ALMS1: variants seen among roughly 807,000 people sequenced by gnomAD.
ALMS1 encodes the protein ALMS1 centrosome and basal body associated protein, also known as centrosome-associated protein ALMS1.
In ALMS1, 271 loss-of-function variants were observed where a neutral mutation model predicts 352.2. The observed-to-expected ratio is 0.77, with a 90% CI of 0.70 to 0.85. The LOEUF is 0.85. Among genes scored for constraint, ALMS1 ranks in the 40% least tolerant of loss-of-function variants. The pLI, the probability that ALMS1 is intolerant of heterozygous loss-of-function variation, is 0.00. For missense variants in ALMS1, 5,445 were observed against 4,870.7 expected (o/e 1.12, Z -3.51); for synonymous variants, 1,865 against 1,761.2 (o/e 1.06, Z -1.48).
At position 73,451,443 on chromosome 2, in the gene ALMS1, A is replaced by C; in HGVS notation, c.4916A>C (p.Lys1639Thr). Residue 1639 changes from lysine (K) to threonine (T), a missense_variant, in exon 8 of 23, where the codon AAA (lysine) becomes ACA (threonine). Physicochemically the swap from Lys to Thr is moderately conservative, Grantham distance 78 (BLOSUM62 -1). Transcript: ENST00000613296. ...GCTCTGCTAGACAGTCCTCTAAATA[A>C]AGAGGTTGTGAAAGTTTCAGCTGCT... ...RQALLDSPLN[K>T]EVVKVSAAPG... 3.7e-6 allele frequency: 6 copies of C among 1,613,832 alleles called. No homozygotes were observed. The highest frequency in any genetic ancestry group is 1.7e-4 in the Middle Eastern group (1 of 6,060).
At chr2:73,607,967 A>G (rs970027979) in intron 21 of ALMS1, among the ~76,000 whole-genome samples, 2 of 151,838 alleles carry the variant, frequency 1.3e-5, no homozygotes, top group African/African-American at 2.4e-5. Context: ...CAGCGCTCCT[A>G]TCTATTCTTA....
intron 21 of ALMS1, among the ~76,000 whole-genome samples, chr2:73,605,278 C>T (rs191728701): frequency 6.6e-6 from 1 of 152,160 alleles, no homozygotes; most frequent in Admixed American, 6.5e-5. Flanking sequence ...GCTTGATGAC[C>T]TCTTAGTACT....
intron 2 of ALMS1, among the ~76,000 whole-genome samples, chr2:73,413,412 A>G (rs745578878): frequency 1.3e-4 from 19 of 151,876 alleles, no homozygotes; most frequent in African/African-American, 3.9e-4. Context: ...TTTTTCTTCT[A>G]TGTTTTCTTC....
chr2:73,466,076 C>T (rs1001892995), intron 9 of ALMS1, among the ~76,000 whole-genome samples: 20 of 152,216 alleles, frequency 1.3e-4, no homozygotes, highest in Admixed American at 7.9e-4. Context: ...GTCAGTGTGT[C>T]GATTCCTCAG....
At chr2:73,488,860 C>CCTAT (rs1672913261) in intron 9 of ALMS1, among the ~76,000 whole-genome samples, 1 of 152,096 alleles carries the variant, frequency 6.6e-6, no homozygotes, top group African/African-American at 2.4e-5. Context: ...GAGTACTGAT[C>CCTAT]CTATGCGCCA....
intron 1 of ALMS1, among the ~76,000 whole-genome samples, chr2:73,401,601 G>A (rs1216948303): frequency 2.7e-5 from 4 of 149,270 alleles, no homozygotes; most frequent in Non-Finnish European, 5.9e-5. Flanking sequence ...ACATCATGAT[G>A]TTTTGATATA....
At position 73,439,978 on chromosome 2, in the gene ALMS1, A is replaced by T. The variant is rs190709547; in HGVS notation, c.1432+7687A>T. 2.7e-4 allele frequency among the ~76,000 whole-genome samples: 41 copies of T among 151,922 alleles called. 1 individual carries two copies. Among genetic ancestry groups the T allele is most frequent in the Admixed American group, 2.7e-3 (41 of 15,262 alleles). Reference sequence around the variant, plus strand: ...ACTTTAGAATTTCACTTTAATTTTTAAAAATTATTTATTTATTTTTGAGAC... The same window carrying T: ...ACTTTAGAATTTCACTTTAATTTTTTAAAATTATTTATTTATTTTTGAGAC... On this transcript the variant is annotated intron_variant, in intron 7 of 22. Transcript: ENST00000613296.
chr2:73,426,492 T>C lies in ALMS1; in HGVS notation c.1277T>C (p.Leu426Pro). 6.2e-7 allele frequency: 1 copy of C among 1,614,170 alleles called. No individual in the cohort carries two copies. Among genetic ancestry groups the C allele is most frequent in the Non-Finnish European group, 8.5e-7 (1 of 1,179,972 alleles). The change falls in exon 6 of 23, where the codon CTG (leucine) becomes CCG (proline). Residue 426 changes from leucine to proline, a missense_variant. Transcript: ENST00000613296. ...AAGGTTGAGTCTGACGTCATTACTC[T>C]GGATGGCCTAAATGAAAATGCTGTT... ...QGKVESDVITLDGLNENAVVC... is the reference protein window; with the variant it reads ...QGKVESDVITPDGLNENAVVC...
At chr2:73,478,764 G>A (rs1672633399) in intron 9 of ALMS1, among the ~76,000 whole-genome samples, 1 of 151,944 alleles carries the variant, frequency 6.6e-6, no homozygotes, top group Non-Finnish European at 1.5e-5. Context: ...GTGGTTTGCT[G>A]CACCTATCAA....
intron 1 of ALMS1, among the ~76,000 whole-genome samples, chr2:73,401,952 C>G (rs1372406604): frequency 6.6e-6 from 1 of 152,096 alleles, no homozygotes; most frequent in Non-Finnish European, 1.5e-5. Context: ...ATTCATGTGA[C>G]AAATGGCAGG....
intron 16 of ALMS1, among the ~76,000 whole-genome samples, chr2:73,594,819 C>G (rs1450412156): frequency 6.6e-6 from 1 of 152,200 alleles, no homozygotes; most frequent in Non-Finnish European, 1.5e-5. Context: ...ACTCCATGAA[C>G]CGTTCCACAT....
intron 20 of ALMS1, 90 bp from the exon 21 acceptor site, chr2:73,603,151 C>T (rs1675736552): frequency 1.8e-5 from 23 of 1,258,426 alleles, no homozygotes; most frequent in Non-Finnish European, 2.5e-5. Context: ...GTAGGGGCAC[C>T]AAGTCCTAGC....
In ALMS1 at chr2:73,559,114, T is replaced by C. The variant is rs774828662; in HGVS notation, c.10356T>C (p.Asn3452=). 1 of 1,613,684 alleles carries C rather than the reference T, an allele frequency of 6.2e-7. No individual in the cohort carries two copies. The highest frequency in any genetic ancestry group is 8.5e-7 in the Non-Finnish European group (1 of 1,179,824). The part of the protein sequence containing the change: ...KTVPEEAWPN[N]KESLQINIEE... ...TTCCCGAGGAAGCCTGGCCAAACAA[T>C]AAAGAATCCCTACAGATCAATATTG... The change falls in exon 15 of 23, where the codon AAT becomes AAC. Residue 3452 remains asparagine (N), a synonymous_variant. Transcript: ENST00000613296.
chr2:73,490,746 C>G lies in ALMS1; in HGVS notation c.8787C>G (p.Leu2929=), dbSNP rs1672963935. The change falls in exon 10 of 23, where the codon CTC becomes CTG. Residue 2929 remains leucine, a synonymous_variant. Transcript: ENST00000613296. ...PSCIFLEQRE[L]FEQCKAPYVD... ...GCATTTTTCTTGAACAACGAGAACT[C>G]TTTGAACAGTGCAAAGCCCCATATG... 1 of 1,614,048 alleles carries G rather than the reference C, an allele frequency of 6.2e-7. No individual in the cohort carries two copies. The highest frequency in any genetic ancestry group is 1.1e-5 in the South Asian group (1 of 91,084).
At chr2:73,414,492 T>TG (rs1671146164) in intron 2 of ALMS1, among the ~76,000 whole-genome samples, 1 of 147,230 alleles carries the variant, frequency 6.8e-6, no homozygotes, top group African/African-American at 2.5e-5. Flanking sequence ...TTTTTTTGTT[T>TG]TTTTTTTGCT....
intron 7 of ALMS1, among the ~76,000 whole-genome samples, chr2:73,439,528 T>C (rs969091881): frequency 6.6e-6 from 1 of 152,174 alleles, no homozygotes; most frequent in African/African-American, 2.4e-5. Context: ...TCTGCTAATA[T>C]CTGTATTTTA....
At chr2:73,483,943 CT>C (rs1416790243) in intron 9 of ALMS1, among the ~76,000 whole-genome samples, 3 of 149,164 alleles carry the variant, frequency 2.0e-5, no homozygotes, top group Non-Finnish European at 4.5e-5. Context: ...TTCCTCCATC[CT>C]TTTATTTTGA....
chr2:73,397,624 C>A (rs956554100), intron 1 of ALMS1, among the ~76,000 whole-genome samples: 33 of 152,112 alleles, frequency 2.2e-4, no homozygotes, highest in Non-Finnish European at 1.5e-4. Context: ...TATGCCACCA[C>A]GCTCAGCTAA....
chr2:73,452,418 C>T lies in ALMS1; in HGVS notation c.5891C>T (p.Ala1964Val). The T allele has an allele frequency of 6.2e-7, 1 of 1,614,048 alleles. No individual in the cohort carries two copies. Among genetic ancestry groups the T allele is most frequent in the Non-Finnish European group, 8.5e-7 (1 of 1,180,006 alleles). Reference protein sequence around the residue: ...ELPDSHLTEEALKVSPVSIPA... With the variant: ...ELPDSHLTEEVLKVSPVSIPA... ...CCAGACAGTCATCTCACAGAAGAGG[C>T]TCTGAAAGTTTCACCTGTTTCTATA... The change falls in exon 8 of 23, where the codon GCT becomes GTT. Residue 1964 changes from alanine to valine, a missense_variant. Ala to Val is a moderately conservative substitution (Grantham distance 64, BLOSUM62 0). Coordinates refer to ENST00000613296, the MANE Select transcript of ALMS1 (RefSeq NM_001378454.1).
Sources: gnomAD v4.1 joint callset for allele counts (sites outside exome capture counted in the v4.1 genomes callset) on GRCh38, gnomAD v4.1.1 for gene constraint, MANE v1.5 for transcripts, NCBI Gene and HGNC (gene_info 2026-07-23, HGNC 2026-07-21) for gene names.